ATXN7L3B: variants seen among roughly 807,000 people sequenced by gnomAD.
ATXN7L3B encodes the protein ataxin 7 like 3B.
Under a neutral mutation model 6.3 loss-of-function variants are expected in ATXN7L3B, and 4 were observed. The observed-to-expected ratio is 0.63, with a 90% CI of 0.31 to 1.45. The LOEUF (loss-of-function observed/expected upper bound fraction) is 1.45. ATXN7L3B is among the 40% of genes most tolerant of loss of function. ATXN7L3B has a pLI of 0.07. For missense variants in ATXN7L3B, 120 were observed against 118.5 expected (o/e 1.01, Z -0.06); for synonymous variants, 63 against 48.0 (o/e 1.31, Z -1.29).
In ATXN7L3B at chr12:74,538,328, C is replaced by T. The variant is rs373071202; in HGVS notation, c.216C>T (p.Leu72=). 1.5e-4 allele frequency: 228 copies of T among 1,552,768 alleles called. No homozygotes were observed. The highest frequency in any genetic ancestry group is 1.4e-3 in the African/African-American group (99 of 73,144). Reference sequence around the variant, plus strand: ...TGGAAGACAAAGGAGCGTGCCGCCTCCCGCTTTGCTCCCTTCCCGGAGAAC... The same window carrying T: ...TGGAAGACAAAGGAGCGTGCCGCCTTCCGCTTTGCTCCCTTCCCGGAGAAC... ...QPVEDKGACR[L]PLCSLPGEPG... is the part of the protein sequence containing the mutation. Residue 72 remains leucine, a synonymous_variant, in exon 1 of 1, where the codon CTC becomes CTT. Transcript: ENST00000519948.
Position 74,537,978 on chromosome 12 carries a change from TG to T in ATXN7L3B, c.-134del. 2 of 725,444 alleles carry T rather than the reference TG, an allele frequency of 2.8e-6. No individual in the cohort carries two copies. Among genetic ancestry groups the T allele is most frequent in the South Asian group, 3.8e-5 (2 of 52,738 alleles). The allele number at this position is 725,444 out of a possible 1,614,324, so 44.9% of individuals were successfully genotyped here. A position where few individuals can be genotyped will look rare whatever the true frequency, so the allele number is the denominator to read the frequency against. ...TCGCCCCTATCGCTGCTCCTGCAGT[TG>T]CGGACGCCACCGACCCCGCCGCCGG... is the stretch of plus-strand genomic sequence containing the variant. On this transcript the variant is annotated 5_prime_UTR_variant, in exon 1 of 1. Transcript: ENST00000519948.
rs886300303 is a variant in ATXN7L3B, at chr12:74,542,787, A to G, written c.*4381A>G. On this transcript the variant is annotated 3_prime_UTR_variant, in exon 1 of 1. Transcript: ENST00000519948. Reference sequence around the variant, plus strand: ...GTAACATTGCCTTCTCTTAAGACCTATCTGAAGTGTTGTGAAGTTTTTCTT... The same window carrying G: ...GTAACATTGCCTTCTCTTAAGACCTGTCTGAAGTGTTGTGAAGTTTTTCTT... The G allele has an allele frequency of 2.6e-5, 4 of 152,172 alleles. No individual in the cohort carries two copies. Among genetic ancestry groups the G allele is most frequent in the Admixed American group, 2.6e-4 (4 of 15,282 alleles). The allele number at this position is 152,172 out of a possible 1,614,324, so 9.4% of individuals were successfully genotyped here. A position where few individuals can be genotyped will look rare whatever the true frequency, so the allele number is the denominator to read the frequency against.
At position 74,544,070 on chromosome 12, in the gene ATXN7L3B, AGTG is replaced by A. The variant is rs1395548092; in HGVS notation, c.*5665_*5667del. 1 of 152,076 alleles carries A rather than the reference AGTG, an allele frequency of 6.6e-6. No individual in the cohort carries two copies. Among genetic ancestry groups the A allele is most frequent in the African/African-American group, 2.4e-5 (1 of 41,466 alleles). The allele number at this position is 152,076 out of a possible 1,614,324, so 9.4% of individuals were successfully genotyped here. On this transcript the variant is annotated 3_prime_UTR_variant, in exon 1 of 1. Coordinates refer to ENST00000519948, the MANE Select transcript of ATXN7L3B (RefSeq NM_001136262.2). ...AATCTACAAACATACCATTGAAAGT[AGTG>A]AGAAAATTTAGCACAGTTACTGGAT...
At position 74,538,886 on chromosome 12, in the gene ATXN7L3B, A is replaced by G. The variant is rs1165559666; in HGVS notation, c.*480A>G. The stretch of plus-strand genomic sequence containing the variant: ...CCTCTGTTATGGGCTTCTCTGAGAC[A>G]AGTAAATGTCAGGTGCAAGATCTGG... On this transcript the variant is annotated 3_prime_UTR_variant, in exon 1 of 1. Coordinates refer to ENST00000519948, the MANE Select transcript of ATXN7L3B (RefSeq NM_001136262.2). 5.8e-6 allele frequency: 1 copy of G among 171,748 alleles called. No individual in the cohort carries two copies. Among genetic ancestry groups the G allele is most frequent in the Non-Finnish European group, 1.4e-5 (1 of 70,736 alleles). The allele number at this position is 171,748 out of a possible 1,614,324, so 10.6% of individuals were successfully genotyped here.
chr12:74,538,420 G>A lies in ATXN7L3B; in HGVS notation c.*14G>A. The A allele has an allele frequency of 6.5e-7, 1 of 1,547,162 alleles. No homozygotes were observed. Among genetic ancestry groups the A allele is most frequent in the Middle Eastern group, 1.7e-4 (1 of 5,804 alleles). ...GAATTCCAGTAGCTGCAAAATGAGA[G>A]TCTGAAAGTGGCCAGGACAATAACA... On this transcript the variant is annotated 3_prime_UTR_variant, in exon 1 of 1. Transcript: ENST00000519948.
In ATXN7L3B at chr12:74,537,964, G is replaced by C. The variant is rs982256371; in HGVS notation, c.-149G>C. 17 of 660,812 alleles carry C rather than the reference G, an allele frequency of 2.6e-5. No homozygotes were observed. The African/African-American group carries it at 3.1e-4, about 12-fold the overall frequency. The allele number at this position is 660,812 out of a possible 1,614,324, so 40.9% of individuals were successfully genotyped here. Reference sequence around the variant, plus strand: ...GGATTCCGGAGCAGTCGCCCCTATCGCTGCTCCTGCAGTTGCGGACGCCAC... The same window carrying C: ...GGATTCCGGAGCAGTCGCCCCTATCCCTGCTCCTGCAGTTGCGGACGCCAC... On this transcript the variant is annotated 5_prime_UTR_variant, in exon 1 of 1. Transcript: ENST00000519948.
Position 74,538,613 on chromosome 12 carries a change from G to A in ATXN7L3B, c.*207G>A. On this transcript the variant is annotated 3_prime_UTR_variant, in exon 1 of 1. Transcript: ENST00000519948. ...ACCTGGAGCAAGCTCTGAAGCCCTG[G>A]GCAGGAGGAGCTGCACAGCCTGCGG... 1.7e-6 allele frequency: 1 copy of A among 595,558 alleles called. No homozygotes were observed. The allele number at this position is 595,558 out of a possible 1,614,324, so 36.9% of individuals were successfully genotyped here.
rs1868907920 is a variant in ATXN7L3B, at chr12:74,541,865, T to G, written c.*3459T>G. On this transcript the variant is annotated 3_prime_UTR_variant, in exon 1 of 1. Transcript: ENST00000519948. ...AGCAGACGATGGTTCTGCCTAATTT[T>G]TTTCTCAATACTTAAAAAATTACCT... 6.6e-6 allele frequency: 1 copy of G among 152,192 alleles called. No homozygotes were observed. Among genetic ancestry groups the G allele is most frequent in the African/African-American group, 2.4e-5 (1 of 41,432 alleles). The allele number at this position is 152,192 out of a possible 1,614,324, so 9.4% of individuals were successfully genotyped here.
chr12:74,538,899 G>T lies in ATXN7L3B; in HGVS notation c.*493G>T, dbSNP rs151190293. The T allele has an allele frequency of 1.2e-5, 2 of 171,174 alleles. No individual in the cohort carries two copies. The highest frequency in any genetic ancestry group is 1.2e-4 in the Admixed American group (2 of 16,292). 10.6% of individuals were successfully genotyped at this position (171,174 alleles called of 1,614,324 possible). A position where few individuals can be genotyped will look rare whatever the true frequency, so the allele number is the denominator to read the frequency against. On this transcript the variant is annotated 3_prime_UTR_variant, in exon 1 of 1. Transcript: ENST00000519948. ...CTTCTCTGAGACAAGTAAATGTCAG[G>T]TGCAAGATCTGGATACTAACAGTTT...
chr12:74,545,179 C>G lies in ATXN7L3B; in HGVS notation c.*6773C>G, dbSNP rs1466538172. 6.6e-6 allele frequency: 1 copy of G among 151,848 alleles called. No homozygotes were observed. Among genetic ancestry groups the G allele is most frequent in the Non-Finnish European group, 1.5e-5 (1 of 67,874 alleles). The allele number at this position is 151,848 out of a possible 1,614,324, so 9.4% of individuals were successfully genotyped here. Reference sequence around the variant, plus strand: ...CTGTTGTGGTTGAAGACAAAAGTAACCAATATCCCAATATTTCCACCTGTT... The same window carrying G: ...CTGTTGTGGTTGAAGACAAAAGTAAGCAATATCCCAATATTTCCACCTGTT... On this transcript the variant is annotated 3_prime_UTR_variant, in exon 1 of 1. Transcript: ENST00000519948.
Position 74,543,508 on chromosome 12 carries a change from A to G in ATXN7L3B, c.*5102A>G, listed in dbSNP as rs1023759574. 11 of 152,128 alleles carry G rather than the reference A, an allele frequency of 7.2e-5. No homozygotes were observed. Among genetic ancestry groups the G allele is most frequent in the African/African-American group, 2.2e-4 (9 of 41,462 alleles). 9.4% of individuals were successfully genotyped at this position (152,128 alleles called of 1,614,324 possible). Reference sequence around the variant, plus strand: ...TTTTTAAGTAAATGAATACATCTATAACTTTTAAAACACCACACAATTAGA... The same window carrying G: ...TTTTTAAGTAAATGAATACATCTATGACTTTTAAAACACCACACAATTAGA... On this transcript the variant is annotated 3_prime_UTR_variant, in exon 1 of 1. Coordinates refer to ENST00000519948, the MANE Select transcript of ATXN7L3B (RefSeq NM_001136262.2).
rs890350952 is a variant in ATXN7L3B, at chr12:74,538,053, C to T, written c.-60C>T. 1 of 1,507,910 alleles carries T rather than the reference C, an allele frequency of 6.6e-7. No homozygotes were observed. Among genetic ancestry groups the T allele is most frequent in the Non-Finnish European group, 8.9e-7 (1 of 1,117,840 alleles). 93.4% of individuals were successfully genotyped at this position (1,507,910 alleles called of 1,614,324 possible). Reference sequence around the variant, plus strand: ...TAGGCCTAGGCGCGGCCCGCGGAGCCAGACGTGTTGCTGCCGTGAGTAAAA... The same window carrying T: ...TAGGCCTAGGCGCGGCCCGCGGAGCTAGACGTGTTGCTGCCGTGAGTAAAA... On this transcript the variant is annotated 5_prime_UTR_variant, in exon 1 of 1. Coordinates refer to ENST00000519948, the MANE Select transcript of ATXN7L3B (RefSeq NM_001136262.2).
rs1288979938 is a variant in ATXN7L3B at position 74,539,898 on chromosome 12, G to A, written c.*1492G>A. 1 of 167,294 alleles carries A rather than the reference G, an allele frequency of 6.0e-6. No homozygotes were observed. Among genetic ancestry groups the A allele is most frequent in the Non-Finnish European group, 1.5e-5 (1 of 68,380 alleles). 10.4% of individuals were successfully genotyped at this position (167,294 alleles called of 1,614,324 possible). On this transcript the variant is annotated 3_prime_UTR_variant, in exon 1 of 1. Coordinates refer to ENST00000519948, the MANE Select transcript of ATXN7L3B (RefSeq NM_001136262.2). ...CTTACCTCATTCTGTGCCCCAGTAG[G>A]GGGTCCAGCCTCATCTGTCTGGCTT...
At position 74,544,012 on chromosome 12, in the gene ATXN7L3B, A is replaced by G. The variant is rs1399514729; in HGVS notation, c.*5606A>G. 5 of 152,080 alleles carry G rather than the reference A, an allele frequency of 3.3e-5. No homozygotes were observed. The South Asian group carries it at 6.2e-4, about 19-fold the overall frequency. The allele number at this position is 152,080 out of a possible 1,614,324, so 9.4% of individuals were successfully genotyped here. Reference sequence around the variant, plus strand: ...AGAATCTAGAAACAGTTGTTCTCAGATGACATCTACATCTACATGGATAAT... The same window carrying G: ...AGAATCTAGAAACAGTTGTTCTCAGGTGACATCTACATCTACATGGATAAT... On this transcript the variant is annotated 3_prime_UTR_variant, in exon 1 of 1. Transcript: ENST00000519948.
chr12:74,538,583 G>A lies in ATXN7L3B; in HGVS notation c.*177G>A. The A allele has an allele frequency of 1.5e-6, 1 of 666,844 alleles. No homozygotes were observed. Among genetic ancestry groups the A allele is most frequent in the South Asian group, 2.0e-5 (1 of 50,206 alleles). The allele number at this position is 666,844 out of a possible 1,614,324, so 41.3% of individuals were successfully genotyped here. ...AATTTAGGAATCCTTTTTTTAAAGT[G>A]TATTACCTGGAGCAAGCTCTGAAGC... On this transcript the variant is annotated 3_prime_UTR_variant, in exon 1 of 1. Coordinates refer to ENST00000519948, the MANE Select transcript of ATXN7L3B (RefSeq NM_001136262.2).
chr12:74,542,490 C>A lies in ATXN7L3B; in HGVS notation c.*4084C>A, dbSNP rs1343221492. The A allele has an allele frequency of 6.6e-6, 1 of 151,990 alleles. No homozygotes were observed. Among genetic ancestry groups the A allele is most frequent in the African/African-American group, 2.4e-5 (1 of 41,384 alleles). 9.4% of individuals were successfully genotyped at this position (151,990 alleles called of 1,614,324 possible). A position where few individuals can be genotyped will look rare whatever the true frequency, so the allele number is the denominator to read the frequency against. ...GTTTTCTAAAAAGATAATTGCAAGA[C>A]CCCTGCTTTACCAAATACTTGACAA... is the stretch of plus-strand genomic sequence containing the variant. On this transcript the variant is annotated 3_prime_UTR_variant, in exon 1 of 1. Coordinates refer to ENST00000519948, the MANE Select transcript of ATXN7L3B (RefSeq NM_001136262.2).
In ATXN7L3B at chr12:74,539,562, CA is replaced by C. The variant is rs1868827888; in HGVS notation, c.*1157del. 1.0e-5 allele frequency: 1 copy of C among 99,260 alleles called. No homozygotes were observed. Among genetic ancestry groups the C allele is most frequent in the Non-Finnish European group, 2.1e-5 (1 of 47,742 alleles). 6.1% of individuals were successfully genotyped at this position (99,260 alleles called of 1,614,324 possible). On this transcript the variant is annotated 3_prime_UTR_variant, in exon 1 of 1. Coordinates refer to ENST00000519948, the MANE Select transcript of ATXN7L3B (RefSeq NM_001136262.2). Reference sequence around the variant, plus strand: ...AATGTCCCTGTTTTCTTTGGTTGGGCAGTCAGAGCTCTGCTATGGTGAACAT... The same window carrying C: ...AATGTCCCTGTTTTCTTTGGTTGGGCGTCAGAGCTCTGCTATGGTGAACAT...
chr12:74,541,529 T>C lies in ATXN7L3B; in HGVS notation c.*3123T>C, dbSNP rs1868899308. ...AGGCATTGACATAATGAGATAAACG[T>C]TGAAATGCTATTGAACCTTAATACT... On this transcript the variant is annotated 3_prime_UTR_variant, in exon 1 of 1. Coordinates refer to ENST00000519948, the MANE Select transcript of ATXN7L3B (RefSeq NM_001136262.2). 1.3e-5 allele frequency: 2 copies of C among 157,292 alleles called. No homozygotes were observed. The highest frequency in any genetic ancestry group is 4.8e-5 in the African/African-American group (2 of 41,458). The allele number at this position is 157,292 out of a possible 1,614,324, so 9.7% of individuals were successfully genotyped here.
In ATXN7L3B at chr12:74,538,699, C is replaced by T. The variant is rs1321695205; in HGVS notation, c.*293C>T. On this transcript the variant is annotated 3_prime_UTR_variant, in exon 1 of 1. Transcript: ENST00000519948. ...GATGTGCGCAAGATCCTGTAGTGCC[C>T]CCAGTGCACAGGTGAGCAGTTGTGT... 2.4e-6 allele frequency: 1 copy of T among 412,852 alleles called. No individual in the cohort carries two copies. The highest frequency in any genetic ancestry group is 4.6e-6 in the Non-Finnish European group (1 of 217,190). 25.6% of individuals were successfully genotyped at this position (412,852 alleles called of 1,614,324 possible).
Sources: gnomAD v4.1 joint callset for allele counts on GRCh38, gnomAD v4.1.1 for gene constraint, MANE v1.5 for transcripts, NCBI Gene and HGNC (gene_info 2026-07-23, HGNC 2026-07-21) for gene names.